MSR1: variants seen among roughly 807,000 people sequenced by gnomAD.
MSR1 encodes macrophage scavenger receptor types I and II.
Under a neutral mutation model 47.2 loss-of-function variants are expected in MSR1, and 53 were observed. That is an observed-to-expected ratio of 1.12 (90% CI 0.90 to 1.41). MSR1 has a LOEUF of 1.41. MSR1 is among the 40% of genes most tolerant of loss of function. MSR1 has a pLI of 0.00. For synonymous variants in MSR1, 239 were observed against 185.6 expected (o/e 1.29, Z -2.34); for missense variants, 786 against 546.9 (o/e 1.44, Z -4.36).
chr8:16,119,940 T>G (rs1190926400), intron 9 of MSR1, among the ~76,000 whole-genome samples: 1 of 147,766 alleles, frequency 6.8e-6, no homozygotes, highest in Non-Finnish European at 1.5e-5. Context: ...GGTCTTGAAC[T>G]CATTTATTCC....
At chr8:16,115,699 C>T (rs1048070077) in intron 9 of MSR1, among the ~76,000 whole-genome samples, 2 of 151,976 alleles carry the variant, frequency 1.3e-5, no homozygotes, top group African/African-American at 4.8e-5. Flanking sequence ...TAAGTCAAAC[C>T]AGGTGCAGTG....
chr8:16,117,499 G>C (rs929627728), intron 9 of MSR1, among the ~76,000 whole-genome samples: 2 of 152,150 alleles, frequency 1.3e-5, no homozygotes, highest in Non-Finnish European at 2.9e-5. Flanking sequence ...CTTTAGAGTC[G>C]AAAGTGAGTT....
At chr8:16,185,304 T>A (rs532115246) in intron 1 of MSR1, among the ~76,000 whole-genome samples, 1 of 152,260 alleles carries the variant, frequency 6.6e-6, no homozygotes, top group African/African-American at 2.4e-5. Flanking sequence ...TGTGTCCTGA[T>A]CAAGCCAATA....
intron 3 of MSR1, among the ~76,000 whole-genome samples, chr8:16,169,789 C>T (rs1459430115): frequency 6.6e-6 from 1 of 151,446 alleles, no homozygotes; most frequent in Non-Finnish European, 1.5e-5. Context: ...ATGGATCTGC[C>T]AGATTTATTT....
At chr8:16,169,190 T>C (rs1801410767) in intron 3 of MSR1, among the ~76,000 whole-genome samples, 3 of 152,220 alleles carry the variant, frequency 2.0e-5, no homozygotes, top group Non-Finnish European at 4.4e-5. Context: ...CTATAGATTA[T>C]GAAAGGCTAT....
intron 9 of MSR1, among the ~76,000 whole-genome samples, chr8:16,111,074 G>A (rs1563135345): frequency 6.6e-6 from 1 of 152,076 alleles, no homozygotes; most frequent in Non-Finnish European, 1.5e-5. Context: ...GGCATGGCAT[G>A]TTTCCTATTG....
intron 5 of MSR1, among the ~76,000 whole-genome samples, chr8:16,157,644 TG>T (rs749405833): frequency 6.6e-6 from 1 of 151,952 alleles, no homozygotes; most frequent in African/African-American, 2.4e-5. Context: ...TTAGATTCAT[TG>T]GGGGAATAAA....
intron 5 of MSR1, among the ~76,000 whole-genome samples, chr8:16,159,777 A>T: frequency 6.6e-6 from 1 of 151,958 alleles, no homozygotes; most frequent in African/African-American, 2.4e-5. Context: ...AGAATACTTA[A>T]TGTTCCATAT....
intron 8 of MSR1, chr8:16,141,200 A>T: frequency 1.3e-6 from 1 of 758,412 alleles, no homozygotes; most frequent in Non-Finnish European, 2.1e-6. Context: ...CATACAGAAT[A>T]AATTGGTACA....
chr8:16,158,129 T>C (rs1249406557), intron 5 of MSR1, among the ~76,000 whole-genome samples: 2 of 151,954 alleles, frequency 1.3e-5, no homozygotes, highest in African/African-American at 4.8e-5. Flanking sequence ...TGGGTTAATA[T>C]TGGCCAAAAT....
rs974812030 is a variant in MSR1, at chr8:16,140,847, A to T, written c.1033+2711T>A. 5.1e-6 allele frequency: 8 copies of T among 1,573,270 alleles called. 1 individual carries two copies. In the African/African-American group the frequency reaches 1.1e-4, roughly 21 times the overall value. ...AAACAGCACCAGGGACCAGGAGAGA[A>T]GGCCATGTGGAAGTCAGGTACAACA... is the stretch of plus-strand genomic sequence containing the variant. On this transcript the variant is annotated intron_variant, in intron 8 of 9. Coordinates refer to ENST00000262101, the MANE Select transcript of MSR1 (RefSeq NM_138715.3).
At chr8:16,120,036 A>G (rs752967141) in intron 9 of MSR1, among the ~76,000 whole-genome samples, 6 of 152,056 alleles carry the variant, frequency 3.9e-5, no homozygotes, top group Non-Finnish European at 5.9e-5. Flanking sequence ...TCCTGTCACT[A>G]CTTTATTCTC....
chr8:16,186,084 C>G, intron 1 of MSR1: 1 of 1,268,034 alleles, frequency 7.9e-7, no homozygotes, highest in Non-Finnish European at 1.1e-6. Flanking sequence ...GAAATAAAAC[C>G]TTGCAAGATT....
intron 8 of MSR1, chr8:16,140,201 ATAAAT>A: frequency 1.0e-6 from 1 of 985,172 alleles, no homozygotes; most frequent in South Asian, 4.7e-5. Context: ...CTAGAACCCA[ATAAAT>A]TAAATTGTGT....
intron 8 of MSR1, 101 bp from the exon 9 acceptor site, chr8:16,120,707 TTTA>T: frequency 7.4e-7 from 1 of 1,350,570 alleles, no homozygotes; most frequent in Non-Finnish European, 9.9e-7. Context: ...CAAAAAAATG[TTTA>T]GCACATTTTC....
chr8:16,129,681 G>A (rs1033391443), intron 8 of MSR1, among the ~76,000 whole-genome samples: 3 of 152,094 alleles, frequency 2.0e-5, no homozygotes, highest in African/African-American at 7.2e-5. Context: ...ACAGGAGGCA[G>A]AGATTACAGT....
Position 16,166,855 on chromosome 8 carries a change from A to C in MSR1, c.630+1603T>G, listed in dbSNP as rs543629092. Among the ~76,000 whole-genome samples, 4 of 152,126 alleles carry C rather than the reference A, an allele frequency of 2.6e-5. No individual in the cohort carries two copies. The East Asian group carries it at 7.8e-4, about 30-fold the overall frequency. On this transcript the variant is annotated intron_variant, in intron 4 of 9. Transcript: ENST00000262101. ...ATTTAATTTATTTATTCCTACATTG[A>C]GCTAAAGATTCAAAGGTCAATAAAA...
At chr8:16,155,268 G>T (rs1000233775) in intron 5 of MSR1, 124 bp from the exon 6 acceptor site, 5 of 703,108 alleles carry the variant, frequency 7.1e-6, no homozygotes, top group Non-Finnish European at 1.3e-5. Flanking sequence ...AATATAGAAT[G>T]TATAATACTG....
chr8:16,145,800 A>G (rs1800680683), intron 7 of MSR1, among the ~76,000 whole-genome samples: 1 of 152,120 alleles, frequency 6.6e-6, no homozygotes, highest in Non-Finnish European at 1.5e-5. Flanking sequence ...CTCACACTTG[A>G]AAACAGCAAA....
Sources: gnomAD v4.1 joint callset for allele counts (sites outside exome capture counted in the v4.1 genomes callset) on GRCh38, gnomAD v4.1.1 for gene constraint, MANE v1.5 for transcripts, NCBI Gene and HGNC (gene_info 2026-07-23, HGNC 2026-07-21) for gene names.